The following EIF3H variants were observed in gnomAD, a reference collection of about 807,000 sequenced individuals.
EIF3H encodes the protein eukaryotic translation initiation factor 3 subunit H, also known as eIF-3-gamma.
In EIF3H, 26 loss-of-function variants were observed where a neutral mutation model predicts 44.2. The observed-to-expected ratio is 0.59, with a 90% CI of 0.43 to 0.82. The LOEUF (loss-of-function observed/expected upper bound fraction) is 0.82, where lower values mean the gene tolerates loss of function less well. Among genes scored for constraint, EIF3H ranks in the 40% least tolerant of loss-of-function variants. The probability of loss-of-function intolerance (pLI) is 0.00; values close to 1 mark genes in which losing one functional copy is unlikely to be tolerated. For synonymous variants in EIF3H, 166 were observed against 151.9 expected (o/e 1.09, Z -0.68); for missense variants, 359 against 432.8 (o/e 0.83, Z 1.51).
In EIF3H at chr8:116,644,112, AG is replaced by A. The variant is rs1220128133; in HGVS notation, c.*893del. 1 of 152,242 alleles carries A rather than the reference AG, an allele frequency of 6.6e-6. No individual in the cohort carries two copies. The highest frequency in any genetic ancestry group is 1.5e-5 in the Non-Finnish European group (1 of 68,090). The allele number at this position is 152,242 out of a possible 1,614,324, so 9.4% of individuals were successfully genotyped here. A position where few individuals can be genotyped will look rare whatever the true frequency, so the allele number is the denominator to read the frequency against. On this transcript the variant is annotated 3_prime_UTR_variant, in exon 8 of 8. Transcript: ENST00000521861. ...TCTTTAAAATTTCTGTGGCCTGTCC[AG>A]GAGTGGTGGCTCATGCCTGTATTCC... is the stretch of plus-strand genomic sequence containing the variant.
intron 1 of EIF3H, among the ~76,000 whole-genome samples, chr8:116,754,748 GT>G (rs2130998288): frequency 6.6e-6 from 1 of 152,326 alleles, no homozygotes; most frequent in Non-Finnish European, 1.5e-5. Context: ...CTTGTATCCA[GT>G]TTAACTAAGT....
rs187656304 is a variant in EIF3H, at chr8:116,672,591, C to G, written c.290-13611G>C. Among the ~76,000 whole-genome samples, 98 of 151,846 alleles carry G rather than the reference C, an allele frequency of 6.5e-4. 1 individual carries two copies. Among genetic ancestry groups the G allele is most frequent in the African/African-American group, 2.1e-3 (88 of 41,362 alleles). The stretch of plus-strand genomic sequence containing the variant: ...GCTGCAGTGAGCTATGATCATGCCA[C>G]TGCACTCCAGCCTAGTCCACAGAGT... On this transcript the variant is annotated intron_variant, in intron 2 of 7. Transcript: ENST00000521861.
At chr8:116,743,793 T>C (rs113002131) in intron 1 of EIF3H, among the ~76,000 whole-genome samples, 11,603 of 66,240 alleles carry the variant, frequency 0.18, 742 homozygotes, top group Admixed American at 0.33. Flanking sequence ...TATATATATA[T>C]ATATAAACAC....
chr8:116,679,102 C>T lies in EIF3H; in HGVS notation c.290-20122G>A, dbSNP rs1231814453. On this transcript the variant is annotated intron_variant, in intron 2 of 7. Transcript: ENST00000521861. ...AGTCCCTCTGCCCGGCCAGCCTCCC[C>T]GTCCGGGAGGGGGGAGGGGGGGTCA... Among the ~76,000 whole-genome samples, 63 of 60,488 alleles carry T rather than the reference C, an allele frequency of 1.0e-3. 5 individuals are homozygous for T. Among genetic ancestry groups the T allele is most frequent in the African/African-American group, 2.9e-3 (58 of 20,154 alleles). 39.7% of individuals were successfully genotyped at this position (60,488 alleles called of 152,430 possible).
intron 6 of EIF3H, among the ~76,000 whole-genome samples, chr8:116,648,158 A>G (rs1319667779): frequency 6.6e-6 from 1 of 152,168 alleles, no homozygotes; most frequent in African/African-American, 2.4e-5. Context: ...TTTCACAGAT[A>G]AACATTCTGG....
rs7837766 is a variant in EIF3H, at chr8:116,703,250, C to T, written c.289+22766G>A. Among the ~76,000 whole-genome samples, 1,289 of 152,218 alleles carry T rather than the reference C, an allele frequency of 8.5e-3. 22 individuals are homozygous for T. The highest frequency in any genetic ancestry group is 0.03 in the African/African-American group (1,237 of 41,548). On this transcript the variant is annotated intron_variant, in intron 2 of 7. Transcript: ENST00000521861. ...TACAGAGATAGGAGCTGAAGGGACACGGTGAGAAGTGACCAGAAGACCGGG... is the reference window on the plus strand; with the variant it reads ...TACAGAGATAGGAGCTGAAGGGACATGGTGAGAAGTGACCAGAAGACCGGG...
intron 2 of EIF3H, among the ~76,000 whole-genome samples, chr8:116,719,183 G>A (rs1229133822): frequency 6.6e-6 from 1 of 152,164 alleles, no homozygotes; most frequent in African/African-American, 2.4e-5. Flanking sequence ...CACTTGGCAA[G>A]TTTGTAATCT....
rs1296795070 is a variant in EIF3H, at chr8:116,655,901, T to C, written c.662A>G (p.Lys221Arg). ...INVLMWELEKKSAVADKHELL... is the reference protein window; with the variant it reads ...INVLMWELEKRSAVADKHELL... ...TTCATGTTTATCTGCAACAGCTGAC[T>C]TCTTTTCAAGTTCCCACATTAGGAC... The change falls in exon 5 of 8, where the codon AAG becomes AGG. Residue 221 changes from lysine to arginine, a missense_variant. Transcript: ENST00000521861. The C allele has an allele frequency of 6.2e-7, 1 of 1,613,866 alleles. No homozygotes were observed. The highest frequency in any genetic ancestry group is 1.3e-5 in the African/African-American group (1 of 75,032).
chr8:116,684,191 T>A (rs2130849081), intron 2 of EIF3H, among the ~76,000 whole-genome samples: 1 of 152,354 alleles, frequency 6.6e-6, no homozygotes. Context: ...TATGTTTTAA[T>A]CTCAAAGAGA....
intron 2 of EIF3H, among the ~76,000 whole-genome samples, chr8:116,665,782 T>C (rs1282252384): frequency 6.6e-6 from 1 of 152,256 alleles, no homozygotes; most frequent in African/African-American, 2.4e-5. Flanking sequence ...CTTTATTCTG[T>C]GCTTTCCTCT....
intron 1 of EIF3H, among the ~76,000 whole-genome samples, chr8:116,736,120 T>TA (rs1166739589): frequency 2.0e-5 from 3 of 152,232 alleles, no homozygotes; most frequent in African/African-American, 7.2e-5. Context: ...TGAAAGAAGT[T>TA]AAACAAAATG....
At chr8:116,669,930 T>C (rs2130814968) in intron 2 of EIF3H, among the ~76,000 whole-genome samples, 2 of 152,266 alleles carry the variant, frequency 1.3e-5, no homozygotes, top group South Asian at 4.1e-4. Flanking sequence ...CCAAACACTT[T>C]TCGTAGGATA....
At chr8:116,670,923 C>A (rs1282797301) in intron 2 of EIF3H, among the ~76,000 whole-genome samples, 1 of 151,984 alleles carries the variant, frequency 6.6e-6, no homozygotes, top group Non-Finnish European at 1.5e-5. Context: ...CTATGGAGGG[C>A]CACTAGGATT....
chr8:116,659,898 A>ATTC (rs1260944095), intron 2 of EIF3H, among the ~76,000 whole-genome samples: 17 of 152,206 alleles, frequency 1.1e-4, no homozygotes, highest in African/African-American at 3.9e-4. Context: ...TATTATTATT[A>ATTC]TTATTGACAC....
intron 1 of EIF3H, among the ~76,000 whole-genome samples, chr8:116,744,324 C>T (rs1439518540): frequency 2.6e-5 from 4 of 151,578 alleles, no homozygotes; most frequent in African/African-American, 9.7e-5. Context: ...AAATTTTATG[C>T]CAAAATGCAG....
At chr8:116,742,522 A>G (rs1815150367) in intron 1 of EIF3H, among the ~76,000 whole-genome samples, 1 of 152,258 alleles carries the variant, frequency 6.6e-6, no homozygotes, top group Non-Finnish European at 1.5e-5. Context: ...GTGATTAAAA[A>G]GCTTAGCTGG....
chr8:116,667,321 GA>G (rs1813686445), intron 2 of EIF3H, among the ~76,000 whole-genome samples: 1 of 152,128 alleles, frequency 6.6e-6, no homozygotes, highest in South Asian at 2.1e-4. Context: ...GGGCTTCAAT[GA>G]AAACTATTTT....
At chr8:116,699,674 T>C (rs1028659387) in intron 2 of EIF3H, among the ~76,000 whole-genome samples, 3 of 152,244 alleles carry the variant, frequency 2.0e-5, no homozygotes, top group African/African-American at 7.2e-5. Context: ...GGCAAATCTG[T>C]ACATTTACCC....
intron 2 of EIF3H, among the ~76,000 whole-genome samples, chr8:116,665,454 T>C (rs1278296953): frequency 2.0e-5 from 3 of 152,138 alleles, no homozygotes; most frequent in Admixed American, 2.0e-4. Flanking sequence ...GGTATATAGA[T>C]GGAACAGAGA....
Sources: gnomAD v4.1 joint callset for allele counts (sites outside exome capture counted in the v4.1 genomes callset) on GRCh38, gnomAD v4.1.1 for gene constraint, MANE v1.5 for transcripts, NCBI Gene and HGNC (gene_info 2026-07-23, HGNC 2026-07-21) for gene names.